The following TTBK2 variants were observed in gnomAD, a reference collection of about 807,000 sequenced individuals.
The protein encoded by TTBK2 is tau-tubulin kinase 2.
Under a neutral mutation model 110.8 loss-of-function variants are expected in TTBK2, and 28 were observed. That is an observed-to-expected ratio of 0.25 (90% confidence interval 0.19 to 0.35). The LOEUF is 0.35. Ranked by LOEUF, TTBK2 falls within the 10% of genes least tolerant of loss-of-function variation. TTBK2 has a pLI of 1.00. For missense variants in TTBK2, 1,369 were observed against 1,500.3 expected (o/e 0.91, Z 1.45); for synonymous variants, 532 against 527.3 (o/e 1.01, Z -0.12).
intron 1 of TTBK2, among the ~76,000 whole-genome samples, chr15:42,911,318 T>C (rs2030743044): frequency 6.6e-6 from 1 of 152,154 alleles, no homozygotes; most frequent in South Asian, 2.1e-4. Flanking sequence ...GAGGTAGGAC[T>C]GTGCTGGGCA....
At chr15:42,808,650 C>T (rs559142511) in intron 9 of TTBK2, among the ~76,000 whole-genome samples, 81 of 151,644 alleles carry the variant, frequency 5.3e-4, no homozygotes, top group Admixed American at 8.6e-4. Context: ...AGTTTGAGAC[C>T]TGCTTGGGCA....
chr15:42,761,970 TAGTG>T (rs2062034923), intron 13 of TTBK2, among the ~76,000 whole-genome samples: 1 of 152,198 alleles, frequency 6.6e-6, no homozygotes, highest in Admixed American at 6.5e-5. Context: ...GTTCTCGTGA[TAGTG>T]AGTAAGTCTC....
intron 7 of TTBK2, among the ~76,000 whole-genome samples, chr15:42,815,859 T>C (rs1473923975): frequency 7.9e-6 from 1 of 126,558 alleles, no homozygotes; most frequent in African/African-American, 3.4e-5. Context: ...TCTCTCTCTC[T>C]ATATATATAT....
At position 42,744,630 on chromosome 15, in the gene TTBK2, C is replaced by T. The variant is rs2140546731; in HGVS notation, c.*1165G>A. ...TTGTATGAAAATCAGGCCAAGAAGC[C>T]CAAATGTTGAACTAAAACACAGGAG... On this transcript the variant is annotated 3_prime_UTR_variant, in exon 15 of 15. Coordinates refer to ENST00000267890, the MANE Select transcript of TTBK2 (RefSeq NM_173500.4). 6.6e-6 allele frequency: 1 copy of T among 151,918 alleles called. No homozygotes were observed. The highest frequency in any genetic ancestry group is 2.1e-4 in the South Asian group (1 of 4,792). 9.4% of individuals were successfully genotyped at this position (151,918 alleles called of 1,614,324 possible). A position where few individuals can be genotyped will look rare whatever the true frequency, so the allele number is the denominator to read the frequency against.
chr15:42,775,849 A>C (rs1229139062), intron 12 of TTBK2, 126 bp from the exon 13 acceptor site: 1 of 717,916 alleles, frequency 1.4e-6, no homozygotes, highest in African/African-American at 1.8e-5. Context: ...AAGCACAAGG[A>C]AAGTTTCACA....
chr15:42,917,609 C>T (rs1445630480), intron 1 of TTBK2, among the ~76,000 whole-genome samples: 1 of 150,788 alleles, frequency 6.6e-6, no homozygotes, highest in African/African-American at 2.4e-5. Flanking sequence ...GTACTTTCGG[C>T]ATAAAAGGTT....
chr15:42,899,773 C>T (rs1377933135), intron 1 of TTBK2, among the ~76,000 whole-genome samples: 1 of 149,680 alleles, frequency 6.7e-6, no homozygotes, highest in Admixed American at 6.7e-5. Flanking sequence ...TGCTGGTGGG[C>T]GCCTGTAGTT....
chr15:42,902,350 A>G (rs761381242), intron 1 of TTBK2, among the ~76,000 whole-genome samples: 4 of 151,574 alleles, frequency 2.6e-5, no homozygotes, highest in Non-Finnish European at 5.9e-5. Flanking sequence ...GTGAAACCCC[A>G]TCTCTACTAA....
At chr15:42,775,832 A>T (rs1245422316) in intron 12 of TTBK2, 109 bp from the exon 13 acceptor site, 1 of 848,236 alleles carries the variant, frequency 1.2e-6, no homozygotes, top group African/African-American at 1.7e-5. Flanking sequence ...AGAAAAAAAG[A>T]TGGATAAAGC....
At chr15:42,802,210 A>G in intron 9 of TTBK2, 1 of 989,448 alleles carries the variant, frequency 1.0e-6, no homozygotes, top group Non-Finnish European at 1.6e-6. Flanking sequence ...GCTTTGGTTG[A>G]CAGTGATGGT....
chr15:42,755,504 G>GAA (rs111551374), intron 13 of TTBK2, among the ~76,000 whole-genome samples: 19 of 151,778 alleles, frequency 1.3e-4, no homozygotes, highest in African/African-American at 3.9e-4. Flanking sequence ...TCCAGCCCAG[G>GAA]AAAAAAAACA....
At chr15:42,770,596 G>A (rs147974562) in intron 13 of TTBK2, among the ~76,000 whole-genome samples, 11 of 152,220 alleles carry the variant, frequency 7.2e-5, no homozygotes, top group African/African-American at 2.4e-4. Flanking sequence ...CTGTACATAG[G>A]TTGAAGTGTA....
rs550855327 is a variant in TTBK2 at position 42,766,435 on chromosome 15, C to T, written c.1998+8700G>A. ...AAGGGACGAAGGAAGATCTACCAAG[C>T]GAATGGAAAGCAAAAAAAAAAAAAA... On this transcript the variant is annotated intron_variant, in intron 13 of 14. Transcript: ENST00000267890. Among the ~76,000 whole-genome samples, 403 of 66,232 alleles carry T rather than the reference C, an allele frequency of 6.1e-3. 5 individuals are homozygous for T. The African/African-American group carries it at 0.072, about 12-fold the overall frequency. 43.5% of individuals were successfully genotyped at this position (66,232 alleles called of 152,430 possible).
At chr15:42,790,477 GT>G (rs957184609) in intron 10 of TTBK2, among the ~76,000 whole-genome samples, 8 of 151,566 alleles carry the variant, frequency 5.3e-5, no homozygotes, top group African/African-American at 1.9e-4. Flanking sequence ...TAGAGACAGG[GT>G]TTCACCATGT....
chr15:42,813,825 G>A lies in TTBK2; in HGVS notation c.604-2045C>T, dbSNP rs950290564. Among the ~76,000 whole-genome samples, 12 of 151,506 alleles carry A rather than the reference G, an allele frequency of 7.9e-5. No individual in the cohort carries two copies. In the South Asian group the frequency reaches 2.1e-3, roughly 26 times the overall value. The stretch of plus-strand genomic sequence containing the variant: ...CACACCATTGCAGTCCAGCCTGGGC[G>A]AAGGAGGGCGAGAGAGCAGGACTCC... On this transcript the variant is annotated intron_variant, in intron 7 of 14. Coordinates refer to ENST00000267890, the MANE Select transcript of TTBK2 (RefSeq NM_173500.4).
At chr15:42,876,655 C>T (rs1894828247) in intron 2 of TTBK2, among the ~76,000 whole-genome samples, 1 of 152,048 alleles carries the variant, frequency 6.6e-6, no homozygotes, top group Admixed American at 6.5e-5. Context: ...ATTAAGGAAA[C>T]CATTAAAATA....
chr15:42,821,218 A>G (rs934663807), intron 6 of TTBK2, among the ~76,000 whole-genome samples: 1 of 152,232 alleles, frequency 6.6e-6, no homozygotes, highest in African/African-American at 2.4e-5. Context: ...GAAATTCTGG[A>G]AGAATATATT....
intron 4 of TTBK2, among the ~76,000 whole-genome samples, chr15:42,834,339 C>T (rs1478526921): frequency 6.6e-6 from 1 of 152,114 alleles, no homozygotes; most frequent in East Asian, 1.9e-4. Flanking sequence ...TAAATCCATC[C>T]ACTTGAAAAG....
intron 7 of TTBK2, among the ~76,000 whole-genome samples, chr15:42,812,838 G>T (rs932925997): frequency 2.0e-5 from 3 of 151,118 alleles, no homozygotes; most frequent in Non-Finnish European, 4.4e-5. Context: ...CGCAATTATA[G>T]AAATTAAAAA....
Sources: gnomAD v4.1 joint callset for allele counts (sites outside exome capture counted in the v4.1 genomes callset) on GRCh38, gnomAD v4.1.1 for gene constraint, MANE v1.5 for transcripts, NCBI Gene and HGNC (gene_info 2026-07-23, HGNC 2026-07-21) for gene names.